Variants in UGT1A1 observed in about 807,000 individuals in gnomAD.
UGT1A1 encodes the protein UDP-glucuronosyltransferase 1A1.
UGT1A1 carries 33 observed loss-of-function variants against 40.6 expected under a neutral mutation model. The ratio of observed to expected loss-of-function variants is 0.81; its 90% CI spans 0.62 to 1.09. The LOEUF (loss-of-function observed/expected upper bound fraction) is 1.09. UGT1A1 is among the 50% of genes least tolerant of loss of function. UGT1A1 has a pLI of 0.00. For synonymous variants in UGT1A1, 249 were observed against 265.0 expected, an observed-to-expected ratio of 0.94 and a Z score of 0.59; for missense variants, 694 against 671.2, an observed-to-expected ratio of 1.03 and a Z score of -0.38.
At position 233,772,892 on chromosome 2, in the gene UGT1A1, T is replaced by A; in HGVS notation, c.*333T>A. On this transcript the variant is annotated 3_prime_UTR_variant, in exon 5 of 5. Coordinates refer to ENST00000305208, the MANE Select transcript of UGT1A1 (RefSeq NM_000463.3). The stretch of plus-strand genomic sequence containing the variant: ...TTGGGAGTGCGGGATTCAAAGGTGG[T>A]CCCACGGCTGCCCCTACTGCAAATG... 1 of 501,562 alleles carries A rather than the reference T, an allele frequency of 2.0e-6. No homozygotes were observed. Among genetic ancestry groups the A allele is most frequent in the Non-Finnish European group, 3.2e-6 (1 of 310,918 alleles). 31.1% of individuals were successfully genotyped at this position (501,562 alleles called of 1,614,324 possible).
At chr2:233,761,732 T>TC (rs1575783874) in intron 1 of UGT1A1, among the ~76,000 whole-genome samples, 1 of 152,336 alleles carries the variant, frequency 6.6e-6, no homozygotes, top group East Asian at 1.9e-4. Flanking sequence ...GGTTTATTTT[T>TC]CCCCTACAGA....
chr2:233,770,519 A>G (rs1327661350), intron 4 of UGT1A1: 1 of 152,120 alleles, frequency 6.6e-6, no homozygotes, highest in Non-Finnish European at 1.5e-5. Flanking sequence ...TTACCCAGGC[A>G]TGGTGGTGTA....
chr2:233,771,098 A>C (rs1387885615), intron 4 of UGT1A1: 1 of 152,210 alleles, frequency 6.6e-6, no homozygotes, highest in Non-Finnish European at 1.5e-5. Flanking sequence ...TATCAGGAAG[A>C]CAGCACTAAA....
rs34903743 is a variant in UGT1A1 at position 233,767,311 on chromosome 2, T to G, written c.996+146T>G. 5,888 of 1,514,258 alleles carry G rather than the reference T, an allele frequency of 3.9e-3. 20 individuals carry two copies. Among genetic ancestry groups the G allele is most frequent in the Admixed American group, 4.9e-3 (211 of 43,394 alleles). The allele number at this position is 1,514,258 out of a possible 1,614,324, so 93.8% of individuals were successfully genotyped here. A position where few individuals can be genotyped will look rare whatever the true frequency, so the allele number is the denominator to read the frequency against. On this transcript the variant is annotated intron_variant, in intron 2 of 4. Coordinates refer to ENST00000305208, the MANE Select transcript of UGT1A1 (RefSeq NM_000463.3). Reference sequence around the variant, plus strand: ...CCCAACTATTAATCCAAAGGTTTTTTTTGTTGTTGTGGTTGTTGTCATTGT... The same window carrying G: ...CCCAACTATTAATCCAAAGGTTTTTGTTGTTGTTGTGGTTGTTGTCATTGT...
rs1298347226 is a variant in UGT1A1, at chr2:233,768,214, T to C, written c.1085-6T>C. ...CTGCTGACATCCTCCCTATTTTGCA[T>C]CTCAGGTCACCCGATGACCCGTGCC... On this transcript the variant is annotated splice_polypyrimidine_tract_variant and splice_region_variant and intron_variant, in intron 3 of 4. Coordinates refer to ENST00000305208, the MANE Select transcript of UGT1A1 (RefSeq NM_000463.3). The C allele has an allele frequency of 3.7e-6, 6 of 1,614,204 alleles. No homozygotes were observed. The highest frequency in any genetic ancestry group is 5.1e-6 in the Non-Finnish European group (6 of 1,180,044).
chr2:233,763,191 T>C lies in UGT1A1; in HGVS notation c.864+2040T>C, dbSNP rs182750749. Among the ~76,000 whole-genome samples, 498 of 152,362 alleles carry C rather than the reference T, an allele frequency of 3.3e-3. 1 individual carries two copies. Among genetic ancestry groups the C allele is most frequent in the South Asian group, 5.6e-3 (27 of 4,830 alleles). ...GTTGACTACATATTTGTTGTTGCCT[T>C]GTTTGGTGCAGTCAGGCTTAGGTGT... is the stretch of plus-strand genomic sequence containing the variant. On this transcript the variant is annotated intron_variant, in intron 1 of 4. Coordinates refer to ENST00000305208, the MANE Select transcript of UGT1A1 (RefSeq NM_000463.3).
At chr2:233,767,361 T>C (rs990880937) in intron 2 of UGT1A1, among the ~76,000 whole-genome samples, 196 bp downstream of exon 2, 19 of 152,222 alleles carry the variant, frequency 1.2e-4, no homozygotes, top group African/African-American at 3.6e-4. Flanking sequence ...TCAAATACTC[T>C]ATTAAACTAT....
chr2:233,769,746 T>G lies in UGT1A1; in HGVS notation c.1304+1307T>G. On this transcript the variant is annotated intron_variant, in intron 4 of 4. Coordinates refer to ENST00000305208, the MANE Select transcript of UGT1A1 (RefSeq NM_000463.3). The surrounding 1 kb of genome is among the most constrained non-coding windows in gnomAD (Gnocchi z 4.4). ...GGCACACGCCTGTAGTCCCAGCCAC[T>G]CTGGAGGCTAAGGCGGGAGGATTGC... 6.9e-7 allele frequency: 1 copy of G among 1,441,832 alleles called. No homozygotes were observed. The highest frequency in any genetic ancestry group is 9.1e-7 in the Non-Finnish European group (1 of 1,095,648). The allele number at this position is 1,441,832 out of a possible 1,614,324, so 89.3% of individuals were successfully genotyped here.
At chr2:233,772,229 T>C in intron 4 of UGT1A1, 33 bp from the exon 5 acceptor site, 1 of 1,613,724 alleles carries the variant, frequency 6.2e-7, no homozygotes, top group Non-Finnish European at 8.5e-7. Context: ...ACCACAGGTG[T>C]TCCAGGCATA....
rs765390164 is a variant in UGT1A1 at position 233,768,290 on chromosome 2, C to T, written c.1155C>T (p.Gly385=). ...SHGVYESICN[G]VPMVMMPLFG... is the part of the protein sequence containing the mutation. Reference sequence around the variant, plus strand: ...GTGTTTATGAAAGCATATGCAATGGCGTTCCCATGGTGATGATGCCCTTGT... The same window carrying T: ...GTGTTTATGAAAGCATATGCAATGGTGTTCCCATGGTGATGATGCCCTTGT... Residue 385 remains glycine, a synonymous_variant, in exon 4 of 5, where the codon GGC becomes GGT. Coordinates refer to ENST00000305208, the MANE Select transcript of UGT1A1 (RefSeq NM_000463.3). The T allele has an allele frequency of 5.0e-6, 8 of 1,614,064 alleles. No individual in the cohort carries two copies. Among genetic ancestry groups the T allele is most frequent in the African/African-American group, 2.7e-5 (2 of 74,922 alleles).
chr2:233,767,071 G>T lies in UGT1A1; in HGVS notation c.902G>T (p.Gly301Val). 6.2e-7 allele frequency: 1 copy of T among 1,614,098 alleles called. No homozygotes were observed. ...TACATTAATGCTTCTGGAGAACATG[G>T]AATTGTGGTTTTCTCTTTGGGATCA... ...EAYINASGEH[G>V]IVVFSLGSMV... The change falls in exon 2 of 5, where the codon GGA becomes GTA. Residue 301 changes from glycine (G) to valine (V), a missense_variant. Gly to Val is a moderately radical substitution (Grantham distance 109). Coordinates refer to ENST00000305208, the MANE Select transcript of UGT1A1 (RefSeq NM_000463.3).
Position 233,761,103 on chromosome 2 carries a change from G to A in UGT1A1, c.816G>A (p.Met272Ile), listed in dbSNP as rs371726341. 4 of 1,614,144 alleles carry A rather than the reference G, an allele frequency of 2.5e-6. No individual in the cohort carries two copies. The highest frequency in any genetic ancestry group is 1.7e-5 in the Admixed American group (1 of 60,022). Reference protein sequence around the residue: ...KDYPRPIMPNMVFVGGINCLH... With the variant: ...KDYPRPIMPNIVFVGGINCLH... ...ACCCTAGGCCCATCATGCCCAATAT[G>A]GTTTTTGTTGGTGGAATCAACTGCC... is the stretch of plus-strand genomic sequence containing the variant. The change falls in exon 1 of 5, where the codon ATG becomes ATA. Residue 272 changes from methionine (M) to isoleucine (I), a missense_variant. Transcript: ENST00000305208.
At chr2:233,768,985 C>T (rs1366556370) in intron 4 of UGT1A1, among the ~76,000 whole-genome samples, 1 of 151,774 alleles carries the variant, frequency 6.6e-6, no homozygotes, top group East Asian at 1.9e-4. Context: ...AATTTTATTT[C>T]CCCCATTAGA....
At chr2:233,767,827 C>G in intron 2 of UGT1A1, 22 bp from the exon 3 acceptor site, 2 of 1,614,176 alleles carry the variant, frequency 1.2e-6, no homozygotes, top group Non-Finnish European at 1.7e-6. Flanking sequence ...TCTTTACGTT[C>G]TGCTCTTTTT....
Position 233,772,610 on chromosome 2 carries a change from C to A in UGT1A1, c.*51C>A. 6.3e-7 allele frequency: 1 copy of A among 1,580,500 alleles called. No individual in the cohort carries two copies. Among genetic ancestry groups the A allele is most frequent in the South Asian group, 1.1e-5 (1 of 87,222 alleles). On this transcript the variant is annotated 3_prime_UTR_variant, in exon 5 of 5. Transcript: ENST00000305208. ...TTTTGAACCATTCCCTAGTCATTTC[C>A]AAACTTGAAAACAGAATCAGTGTTA...
At chr2:233,770,765 A>G (rs962602628) in intron 4 of UGT1A1, 1 of 152,230 alleles carries the variant, frequency 6.6e-6, no homozygotes, top group Non-Finnish European at 1.5e-5. Context: ...ATTACATTAT[A>G]ATAATGTTTC....
chr2:233,766,580 G>A (rs1699191238), intron 1 of UGT1A1, among the ~76,000 whole-genome samples: 1 of 152,180 alleles, frequency 6.6e-6, no homozygotes, highest in Admixed American at 6.5e-5. Context: ...AGGTCTGGGG[G>A]TGGAGCCCTC....
rs146693320 is a variant in UGT1A1, at chr2:233,769,441, G to T, written c.1304+1002G>T. The T allele has an allele frequency of 6.5e-7, 1 of 1,546,730 alleles. No homozygotes were observed. Among genetic ancestry groups the T allele is most frequent in the East Asian group, 2.3e-5 (1 of 44,376 alleles). ...TGCATGTGGCTGTGCTCATGTGTGGGTGCACACGTGTGCATTCATATGCGT... is the reference window on the plus strand; with the variant it reads ...TGCATGTGGCTGTGCTCATGTGTGGTTGCACACGTGTGCATTCATATGCGT... On this transcript the variant is annotated intron_variant, in intron 4 of 4. Transcript: ENST00000305208. The surrounding 1 kb of genome is among the most constrained non-coding windows in gnomAD (Gnocchi z 4.4).
At chr2:233,766,428 A>G (rs1336103880) in intron 1 of UGT1A1, among the ~76,000 whole-genome samples, 1 of 152,116 alleles carries the variant, frequency 6.6e-6, no homozygotes, top group African/African-American at 2.4e-5. Context: ...CCCGATGTCC[A>G]GCTACCTGTG....
Sources: gnomAD v4.1 joint callset for allele counts (sites outside exome capture counted in the v4.1 genomes callset) on GRCh38, gnomAD v4.1.1 for gene constraint, Gnocchi (gnomAD v3.1) non-coding constraint, MANE v1.5 for transcripts, NCBI Gene and HGNC (gene_info 2026-07-23, HGNC 2026-07-21) for gene names.